The following NOVA1 variants were observed in gnomAD, a reference collection of about 807,000 sequenced individuals.
NOVA1 encodes the protein RNA-binding protein Nova-1.
A neutral mutation model predicts 38.0 loss-of-function variants in NOVA1; 7 were observed. That is an observed-to-expected ratio of 0.18 (90% CI 0.10 to 0.35). NOVA1 has a LOEUF of 0.35. Ranked by LOEUF, NOVA1 falls within the 10% of genes least tolerant of loss-of-function variation. The probability of loss-of-function intolerance (pLI) is 1.00; values close to 1 mark genes in which losing one functional copy is unlikely to be tolerated. For missense variants in NOVA1, 460 were observed against 616.0 expected (o/e 0.75, Z 2.68); for synonymous variants, 270 against 232.5 (o/e 1.16, Z -1.47).
In NOVA1 at chr14:26,592,346, C is replaced by T. The variant is rs530757043; in HGVS notation, c.280+3064G>A. Among the ~76,000 whole-genome samples the T allele has an allele frequency of 5.3e-5, 8 of 150,756 alleles. No homozygotes were observed. In the South Asian group the frequency reaches 1.5e-3, roughly 27 times the overall value. ...TTACTACAAGGTAACTTGCTATAAC[C>T]TAGTTATAAAAAGATATATAAGTAA... On this transcript the variant is annotated intron_variant, in intron 2 of 4. Coordinates refer to ENST00000539517, the MANE Select transcript of NOVA1 (RefSeq NM_002515.3).
chr14:26,583,944 T>C (rs1389355221), intron 2 of NOVA1, among the ~76,000 whole-genome samples: 1 of 151,034 alleles, frequency 6.6e-6, no homozygotes, highest in Admixed American at 6.6e-5. Flanking sequence ...ATCACTCATG[T>C]TTATCCAATT....
At chr14:26,540,004 G>A (rs1890360093) in intron 2 of NOVA1, among the ~76,000 whole-genome samples, 1 of 152,048 alleles carries the variant, frequency 6.6e-6, no homozygotes, top group African/African-American at 2.4e-5. Context: ...TAGTAGTTGG[G>A]TTTAAGTCTT....
chr14:26,478,103 T>A (rs1362846243), intron 3 of NOVA1, among the ~76,000 whole-genome samples: 1 of 151,934 alleles, frequency 6.6e-6, no homozygotes, highest in African/African-American at 2.4e-5. Context: ...TATTATTTTT[T>A]ATACTTATCT....
Position 26,504,986 on chromosome 14 carries a change from C to T in NOVA1, c.281-24843G>A, listed in dbSNP as rs183365891. On this transcript the variant is annotated intron_variant, in intron 2 of 4. Coordinates refer to ENST00000539517, the MANE Select transcript of NOVA1 (RefSeq NM_002515.3). ...ATGGGCCTTTGATCTCAGGTGGTGG[C>T]AGTGACGGCAGAAATTTTGTCTTGA... Among the ~76,000 whole-genome samples the T allele has an allele frequency of 5.6e-5, 8 of 142,616 alleles. No homozygotes were observed. The South Asian group carries it at 9.0e-4, about 16-fold the overall frequency. 93.6% of individuals were successfully genotyped at this position (142,616 alleles called of 152,430 possible). A position where few individuals can be genotyped will look rare whatever the true frequency, so the allele number is the denominator to read the frequency against.
At chr14:26,552,732 G>A (rs752026141) in intron 2 of NOVA1, among the ~76,000 whole-genome samples, 30 of 152,116 alleles carry the variant, frequency 2.0e-4, no homozygotes, top group Admixed American at 1.0e-3. Flanking sequence ...TTTAAGGTAT[G>A]AAAATTAGTG....
At chr14:26,578,929 T>G (rs1006800570) in intron 2 of NOVA1, among the ~76,000 whole-genome samples, 4 of 152,150 alleles carry the variant, frequency 2.6e-5, no homozygotes, top group African/African-American at 9.7e-5. Flanking sequence ...TCTACAGATT[T>G]TAAAGATGTA....
At chr14:26,480,278 G>T in intron 2 of NOVA1, 135 bp from the exon 3 acceptor site, 2 of 709,732 alleles carry the variant, frequency 2.8e-6, no homozygotes, top group South Asian at 3.9e-5. Flanking sequence ...TGAACCACAC[G>T]TAATATATAC....
chr14:26,468,310 TAAA>T (rs58883834), intron 4 of NOVA1, among the ~76,000 whole-genome samples: 3 of 144,716 alleles, frequency 2.1e-5, no homozygotes, highest in Admixed American at 6.9e-5. Flanking sequence ...TCAAACAGGT[TAAA>T]AAAAAAAAAA....
At position 26,448,399 on chromosome 14, in the gene NOVA1, A is replaced by G; in HGVS notation, c.1084T>C (p.Leu362=). The G allele has an allele frequency of 1.2e-6, 2 of 1,613,042 alleles. No individual in the cohort carries two copies. The highest frequency in any genetic ancestry group is 1.7e-6 in the Non-Finnish European group (2 of 1,179,814). The part of the protein sequence containing the change: ...ANPAAAAANL[L]ATYASEASAS... ...GAGGCTTCACTGGCATAGGTGGCCA[A>G]TAAATTGGCTGCTGCTGCTGCTGGG... Residue 362 remains leucine (L), a synonymous_variant, in exon 5 of 5, where the codon TTG becomes CTG. Transcript: ENST00000539517. This position sits in a 1 kb window ranked among gnomAD's most constrained non-coding sequence, Gnocchi z 5.3.
intron 2 of NOVA1, among the ~76,000 whole-genome samples, chr14:26,533,810 T>A (rs1443292503): frequency 1.3e-5 from 2 of 152,186 alleles, no homozygotes; most frequent in Non-Finnish European, 2.9e-5. Flanking sequence ...ACATAGCAGG[T>A]ATGCAACAAA....
In NOVA1 at chr14:26,479,909, G is replaced by C. The variant is rs1007985871; in HGVS notation, c.447+68C>G. ...AAAAGTTTTATGCTAACACTTTAAG[G>C]CTTCTTTTGTAAGGAACTTATACTA... On this transcript the variant is annotated intron_variant, in intron 3 of 4. Coordinates refer to ENST00000539517, the MANE Select transcript of NOVA1 (RefSeq NM_002515.3). The C allele has an allele frequency of 8.6e-6, 13 of 1,512,170 alleles. No individual in the cohort carries two copies. In the Admixed American group the frequency reaches 1.6e-4, roughly 19 times the overall value. The allele number at this position is 1,512,170 out of a possible 1,614,324, so 93.7% of individuals were successfully genotyped here. A position where few individuals can be genotyped will look rare whatever the true frequency, so the allele number is the denominator to read the frequency against.
chr14:26,470,461 G>A (rs754422844), intron 4 of NOVA1: 2 of 1,561,104 alleles, frequency 1.3e-6, no homozygotes. Context: ...CTTATATCTT[G>A]CTTCATGATA....
intron 2 of NOVA1, among the ~76,000 whole-genome samples, chr14:26,573,605 A>G (rs1172337520): frequency 6.6e-6 from 1 of 152,192 alleles, no homozygotes; most frequent in African/African-American, 2.4e-5. Context: ...TTCTCATTCT[A>G]TATATGTAGA....
rs563600572 is a variant in NOVA1, at chr14:26,586,855, A to G, written c.280+8555T>C. Reference sequence around the variant, plus strand: ...TGCCTATGTTCCTTCAGTGTAGCACATGAACTAAAATAATAATAATAATGG... The same window carrying G: ...TGCCTATGTTCCTTCAGTGTAGCACGTGAACTAAAATAATAATAATAATGG... On this transcript the variant is annotated intron_variant, in intron 2 of 4. Transcript: ENST00000539517. Among the ~76,000 whole-genome samples, 8 of 150,776 alleles carry G rather than the reference A, an allele frequency of 5.3e-5. No homozygotes were observed. The South Asian group carries it at 1.7e-3, about 31-fold the overall frequency.
chr14:26,582,656 A>G (rs1032264301), intron 2 of NOVA1, among the ~76,000 whole-genome samples: 2 of 151,852 alleles, frequency 1.3e-5, no homozygotes, highest in Non-Finnish European at 3.0e-5. Context: ...TTATAAACCT[A>G]TCAAACTATA....
rs1043819513 is a variant in NOVA1, at chr14:26,445,414, A to G, written c.*2545T>C. 7 of 152,232 alleles carry G rather than the reference A, an allele frequency of 4.6e-5. No homozygotes were observed. The highest frequency in any genetic ancestry group is 7.2e-5 in the African/African-American group (3 of 41,468). The allele number at this position is 152,232 out of a possible 1,614,324, so 9.4% of individuals were successfully genotyped here. A position where few individuals can be genotyped will look rare whatever the true frequency, so the allele number is the denominator to read the frequency against. ...ATCTGTCACCATAAATTAAAATGTA[A>G]TATCTTCAATTTAGCTTTCAGTTTT... On this transcript the variant is annotated 3_prime_UTR_variant, in exon 5 of 5. Coordinates refer to ENST00000539517, the MANE Select transcript of NOVA1 (RefSeq NM_002515.3).
At chr14:26,583,612 C>T (rs1008644296) in intron 2 of NOVA1, among the ~76,000 whole-genome samples, 2 of 151,310 alleles carry the variant, frequency 1.3e-5, no homozygotes, top group Non-Finnish European at 3.0e-5. Context: ...TTTTTAATCT[C>T]ATTTTCTAAA....
chr14:26,522,468 T>TA (rs1888968258), intron 2 of NOVA1, among the ~76,000 whole-genome samples: 1 of 152,168 alleles, frequency 6.6e-6, no homozygotes, highest in Non-Finnish European at 1.5e-5. Flanking sequence ...GTTTTGCAAG[T>TA]AAATGCTGTT....
chr14:26,551,883 T>G (rs149449212), intron 2 of NOVA1, among the ~76,000 whole-genome samples: 2 of 152,138 alleles, frequency 1.3e-5, no homozygotes, highest in African/African-American at 4.8e-5. Flanking sequence ...AGAAAAAGAT[T>G]ATTCTCACCT....
Sources: allele counts gnomAD v4.1 joint callset (sites outside exome capture counted in the v4.1 genomes callset), GRCh38; gene constraint gnomAD v4.1.1; non-coding constraint Gnocchi (gnomAD v3.1); transcripts MANE v1.5; gene names NCBI Gene and HGNC (gene_info 2026-07-23, HGNC 2026-07-21).